Variants in TENM2 observed in about 807,000 individuals in gnomAD.
TENM2 encodes teneurin transmembrane protein 2.
Under a neutral mutation model 245.2 loss-of-function variants are expected in TENM2, and 52 were observed. The ratio of observed to expected loss-of-function variants is 0.21; its 90% CI spans 0.17 to 0.27. TENM2 has a LOEUF of 0.27. Among genes scored for constraint, TENM2 ranks in the 10% least tolerant of loss-of-function variants. TENM2 has a pLI of 1.00. For missense variants in TENM2, 3,046 were observed against 3,666.8 expected (o/e 0.83, Z 4.37); for synonymous variants, 1,363 against 1,438.9 (o/e 0.95, Z 1.19).
intron 5 of TENM2, among the ~76,000 whole-genome samples, chr5:168,030,158 CTTTTTTTTT>C (rs540326142): frequency 3.1e-4 from 20 of 65,288 alleles, no homozygotes; most frequent in African/African-American, 9.4e-4. Flanking sequence ...GGTTCTGGCT[CTTTTTTTTT>C]TTTTTTTTTT....
intron 2 of TENM2, among the ~76,000 whole-genome samples, chr5:167,722,645 A>ACGC (rs1341162985): frequency 6.6e-6 from 1 of 152,030 alleles, no homozygotes; most frequent in Non-Finnish European, 1.5e-5. Flanking sequence ...GTGGAGGTGC[A>ACGC]CGCCTGTAGT....
chr5:167,267,833 A>T, the TENM2 span, among the ~76,000 whole-genome samples: 1 of 152,142 alleles, frequency 6.6e-6, no homozygotes, highest in Non-Finnish European at 1.5e-5. Flanking sequence ...TTTGCACAAA[A>T]TTTTTTATGG....
At chr5:167,485,753 A>G (rs1052592522) in intron 2 of TENM2, among the ~76,000 whole-genome samples, 1 of 152,140 alleles carries the variant, frequency 6.6e-6, no homozygotes, top group African/African-American at 2.4e-5. Flanking sequence ...ACAAGAGCCA[A>G]TGGAGGATGG....
intron 2 of TENM2, among the ~76,000 whole-genome samples, chr5:167,403,875 G>A (rs1416310560): frequency 6.7e-6 from 1 of 149,882 alleles, no homozygotes; most frequent in African/African-American, 2.5e-5. Context: ...CCTTGGCCAA[G>A]TTTCTTTATA....
chr5:167,991,790 T>A (rs1783687650), intron 4 of TENM2, among the ~76,000 whole-genome samples: 1 of 152,026 alleles, frequency 6.6e-6, no homozygotes, highest in Admixed American at 6.5e-5. Context: ...TCACGGGAGG[T>A]GAAAACGGAA....
At chr5:167,860,976 C>A (rs1228205085) in intron 2 of TENM2, among the ~76,000 whole-genome samples, 2 of 130,220 alleles carry the variant, frequency 1.5e-5, no homozygotes, top group South Asian at 2.9e-4. Context: ...CTGACCTTCC[C>A]TCCACTATTG....
chr5:167,838,816 C>T (rs1224862425), intron 2 of TENM2, among the ~76,000 whole-genome samples: 1 of 152,102 alleles, frequency 6.6e-6, no homozygotes, highest in Non-Finnish European at 1.5e-5. Context: ...GGGTTTCAAC[C>T]GTGAACTTGG....
chr5:167,944,905 A>C (rs1034505358), intron 3 of TENM2, among the ~76,000 whole-genome samples: 1 of 152,182 alleles, frequency 6.6e-6, no homozygotes, highest in Non-Finnish European at 1.5e-5. Context: ...ACAACCAAAA[A>C]ACAAACAAAG....
rs569874562 is a variant in TENM2, at chr5:167,312,489, CACAG to C, written c.226+27431_226+27434del. Among the ~76,000 whole-genome samples the C allele has an allele frequency of 2.7e-3, 405 of 152,258 alleles. 1 individual carries two copies. Among genetic ancestry groups the C allele is most frequent in the African/African-American group, 9.2e-3 (383 of 41,550 alleles). On this transcript the variant is annotated intron_variant, in intron 1 of 28. Transcript: ENST00000518659. ...GAACAAAAAAAATGGAGTCAAGAGA[CACAG>C]ACAGGACTTCCTTTTCTGTCTCATT...
At chr5:167,720,253 A>G (rs1759538917) in intron 2 of TENM2, among the ~76,000 whole-genome samples, 1 of 152,226 alleles carries the variant, frequency 6.6e-6, no homozygotes, top group African/African-American at 2.4e-5. Context: ...AAGAGTAGAC[A>G]TATTTGACAT....
chr5:167,013,716 TAAAG>T, the TENM2 span, among the ~76,000 whole-genome samples: 4 of 151,676 alleles, frequency 2.6e-5, no homozygotes, highest in Admixed American at 2.6e-4. Context: ...CAAAAATAAA[TAAAG>T]AAAGAAATTC....
At chr5:168,101,096 C>T (rs1308619272) in intron 9 of TENM2, among the ~76,000 whole-genome samples, 2 of 152,066 alleles carry the variant, frequency 1.3e-5, no homozygotes, top group African/African-American at 4.8e-5. Flanking sequence ...CTAGCGCCTC[C>T]CTCAGGCTCT....
intron 2 of TENM2, among the ~76,000 whole-genome samples, chr5:167,525,463 A>C (rs747153800): frequency 2.0e-5 from 3 of 152,184 alleles, no homozygotes; most frequent in Non-Finnish European, 4.4e-5. Flanking sequence ...CATATGGCTC[A>C]GCTCTACTGA....
intron 2 of TENM2, among the ~76,000 whole-genome samples, chr5:167,490,125 C>T (rs946567529): frequency 2.6e-5 from 4 of 152,074 alleles, no homozygotes; most frequent in African/African-American, 9.7e-5. Flanking sequence ...CCAAATTAAC[C>T]TCTGGAGAGT....
At chr5:168,090,640 C>G (rs773739410) in exon 8 of TENM2, 2 of 1,613,548 alleles carry the variant, frequency 1.2e-6, no homozygotes, top group South Asian at 2.2e-5. Context: ...CAGGGAACGC[C>G]GGAGCATACA....
intron 2 of TENM2, among the ~76,000 whole-genome samples, chr5:167,550,699 A>T (rs1291276409): frequency 1.3e-4 from 15 of 114,172 alleles, no homozygotes; most frequent in South Asian, 9.5e-4. Flanking sequence ...TGTTGTTGTT[A>T]GTGTGTGTGT....
intron 2 of TENM2, among the ~76,000 whole-genome samples, chr5:167,643,644 C>T (rs185763): frequency 0.83 from 126,127 of 152,216 alleles, 52,619 homozygotes; most frequent in African/African-American, 0.89. Flanking sequence ...TGCCTGATTA[C>T]ACTTTCTTTC....
intron 2 of TENM2, among the ~76,000 whole-genome samples, chr5:167,570,728 A>G (rs747738324): frequency 5.3e-5 from 8 of 152,222 alleles, no homozygotes; most frequent in Non-Finnish European, 1.0e-4. Flanking sequence ...GCTGCATTGA[A>G]GAATTATTGC....
At chr5:168,195,661 C>T (rs887648082) in intron 15 of TENM2, among the ~76,000 whole-genome samples, 3 of 148,260 alleles carry the variant, frequency 2.0e-5, no homozygotes, top group Admixed American at 1.4e-4. Context: ...CTCTTAGAAA[C>T]GAACTCCTGT....
Sources: gnomAD v4.1 joint callset for allele counts (sites outside exome capture counted in the v4.1 genomes callset) on GRCh38, gnomAD v4.1.1 for gene constraint, MANE v1.5 for transcripts, NCBI Gene and HGNC (gene_info 2026-07-23, HGNC 2026-07-21) for gene names.